The following PCDH15 variants were observed in gnomAD, a reference collection of about 807,000 sequenced individuals.
PCDH15 encodes the protein protocadherin related 15, also known as protocadherin-15.
PCDH15 carries 129 observed loss-of-function variants against 178.5 expected under a neutral mutation model. That is an observed-to-expected ratio of 0.72 (90% CI 0.63 to 0.84). The LOEUF (loss-of-function observed/expected upper bound fraction) is 0.84. Ranked by LOEUF, PCDH15 falls within the 40% of genes least tolerant of loss-of-function variation. The probability of loss-of-function intolerance (pLI) is 0.00; values close to 1 mark genes in which losing one functional copy is unlikely to be tolerated. For missense variants in PCDH15, 2,230 were observed against 2,099.9 expected (o/e 1.06, Z -1.21); for synonymous variants, 800 against 732.0 (o/e 1.09, Z -1.50).
chr10:55,591,854 C>T (rs941840245), intron 2 of PCDH15, among the ~76,000 whole-genome samples: 7 of 151,810 alleles, frequency 4.6e-5, no homozygotes, highest in South Asian at 2.1e-4. Context: ...TTTGAAGAGT[C>T]GTAAATTATT....
intron 2 of PCDH15, among the ~76,000 whole-genome samples, chr10:54,978,891 A>T (rs569499095): frequency 1.3e-3 from 194 of 152,240 alleles, no homozygotes; most frequent in Non-Finnish European, 2.1e-3. Context: ...AATTTTGCTC[A>T]TATTTCTCTT....
At chr10:54,169,413 G>A (rs973118727) in intron 13 of PCDH15, among the ~76,000 whole-genome samples, 3 of 136,596 alleles carry the variant, frequency 2.2e-5, no homozygotes, top group Non-Finnish European at 3.2e-5. Flanking sequence ...TGACGGCCAG[G>A]CTTCTAAACC....
In PCDH15 at chr10:53,898,046, A is replaced by G. The variant is rs573358925; in HGVS notation, c.3501+5197T>C. ...CAGTGGCGTGATTTCGGCTCACTGC[A>G]AGCTCCGCCTCCTGGGTTCATGCCA... On this transcript the variant is annotated intron_variant, in intron 26 of 37. Coordinates refer to ENST00000644397, the MANE Select transcript of PCDH15 (RefSeq NM_001384140.1). 1.8e-4 allele frequency among the ~76,000 whole-genome samples: 24 copies of G among 136,266 alleles called. No individual in the cohort carries two copies. The East Asian group carries it at 5.0e-3, about 28-fold the overall frequency. The allele number at this position is 136,266 out of a possible 152,430, so 89.4% of individuals were successfully genotyped here.
chr10:54,218,841 C>T (rs965835031), intron 9 of PCDH15, among the ~76,000 whole-genome samples: 1 of 151,924 alleles, frequency 6.6e-6, no homozygotes, highest in Non-Finnish European at 1.5e-5. Flanking sequence ...TAAAATTAAA[C>T]CAAGGAAAGT....
In PCDH15 at chr10:55,490,354, G is replaced by T. The variant is rs186333835; in HGVS notation, c.-156+137271C>A. ...CAAAGAGCTTCAGACACACAGCCATGAGTCTATGGTTGAGTAACAATCTGC... is the reference window on the plus strand; with the variant it reads ...CAAAGAGCTTCAGACACACAGCCATTAGTCTATGGTTGAGTAACAATCTGC... On this transcript the variant is annotated intron_variant, in intron 2 of 5. Coordinates refer to the PCDH15 transcript ENST00000613346. Among the ~76,000 whole-genome samples, 784 of 151,858 alleles carry T rather than the reference G, an allele frequency of 5.2e-3. 3 individuals carry two copies. Among genetic ancestry groups the T allele is most frequent in the Non-Finnish European group, 9.2e-3 (622 of 67,824 alleles).
intron 3 of PCDH15, among the ~76,000 whole-genome samples, chr10:54,387,742 C>A (rs1362238709): frequency 6.6e-6 from 1 of 152,114 alleles, no homozygotes; most frequent in East Asian, 1.9e-4. Flanking sequence ...TATATAAACC[C>A]CTAGTTTTAG....
rs113558294 is a variant in PCDH15 at position 54,435,328 on chromosome 10, T to C, written c.158-56386A>G. On this transcript the variant is annotated intron_variant, in intron 3 of 37. Coordinates refer to ENST00000644397, the MANE Select transcript of PCDH15 (RefSeq NM_001384140.1). Reference sequence around the variant, plus strand: ...TCTTTTTCTTTTACCTAGGTTGAATTCATTGTTTAGATCTCAACTGAAATA... The same window carrying C: ...TCTTTTTCTTTTACCTAGGTTGAATCCATTGTTTAGATCTCAACTGAAATA... Among the ~76,000 whole-genome samples, 1,226 of 152,318 alleles carry C rather than the reference T, an allele frequency of 8.0e-3. 17 individuals carry two copies. The highest frequency in any genetic ancestry group is 0.028 in the African/African-American group (1,157 of 41,570).
At chr10:55,392,483 C>T (rs997276085) in intron 2 of PCDH15, among the ~76,000 whole-genome samples, 2 of 152,120 alleles carry the variant, frequency 1.3e-5, no homozygotes, top group Admixed American at 6.6e-5. Flanking sequence ...TTTGTTCCAG[C>T]ATCCAATCCA....
chr10:54,155,172 G>A (rs745346925), intron 13 of PCDH15, among the ~76,000 whole-genome samples: 24 of 152,184 alleles, frequency 1.6e-4, no homozygotes, highest in Admixed American at 2.0e-4. Context: ...AAGGTGTTAA[G>A]GAGTGTGCTT....
At chr10:55,149,850 T>C (rs1326800287) in intron 2 of PCDH15, among the ~76,000 whole-genome samples, 1 of 152,108 alleles carries the variant, frequency 6.6e-6, no homozygotes, top group African/African-American at 2.4e-5. Flanking sequence ...ATGTTCTTAA[T>C]GTTCTCAATC....
chr10:54,110,606 A>G (rs913164920), intron 15 of PCDH15, among the ~76,000 whole-genome samples: 1 of 152,042 alleles, frequency 6.6e-6, no homozygotes, highest in African/African-American at 2.4e-5. Flanking sequence ...CGAATGAACT[A>G]CCTTTATTTT....
At position 55,415,926 on chromosome 10, in the gene PCDH15, AT is replaced by A. The variant is rs1000743848; in HGVS notation, c.-156+211698del. ...CTTAGCAATATCTATAAAGAGCCATATTTTTTTTTCTCAAATTTGCTTTTGT... is the reference window on the plus strand; with the variant it reads ...CTTAGCAATATCTATAAAGAGCCATATTTTTTTTCTCAAATTTGCTTTTGT... On this transcript the variant is annotated intron_variant, in intron 2 of 5. Transcript: ENST00000613346. Among the ~76,000 whole-genome samples the A allele has an allele frequency of 8.6e-5, 13 of 150,950 alleles. No homozygotes were observed. In the East Asian group the frequency reaches 1.4e-3, roughly 16 times the overall value.
At chr10:55,472,206 C>A (rs557397942) in intron 2 of PCDH15, among the ~76,000 whole-genome samples, 20 of 152,196 alleles carry the variant, frequency 1.3e-4, no homozygotes, top group African/African-American at 4.8e-4. Flanking sequence ...TTAATCTCTG[C>A]TTTTAAAGGA....
chr10:55,460,741 T>C (rs1202075654), intron 2 of PCDH15, among the ~76,000 whole-genome samples: 1 of 152,148 alleles, frequency 6.6e-6, no homozygotes, highest in East Asian at 1.9e-4. Flanking sequence ...GGGTCATATG[T>C]TCCTGCCTCT....
chr10:55,546,422 T>G (rs1469942028), intron 2 of PCDH15, among the ~76,000 whole-genome samples: 1 of 152,264 alleles, frequency 6.6e-6, no homozygotes, highest in African/African-American at 2.4e-5. Flanking sequence ...TTTTAACGAG[T>G]ATATATAATA....
chr10:54,879,343 T>G (rs1429775266), intron 3 of PCDH15, among the ~76,000 whole-genome samples: 1 of 152,148 alleles, frequency 6.6e-6, no homozygotes, highest in Non-Finnish European at 1.5e-5. Flanking sequence ...ATTTTACTTG[T>G]AATATCTCAA....
At chr10:55,274,462 C>T (rs914749704) in intron 1 of PCDH15, among the ~76,000 whole-genome samples, 2 of 152,018 alleles carry the variant, frequency 1.3e-5, no homozygotes, top group African/African-American at 4.8e-5. Context: ...TGGGAACTAA[C>T]CTTAAGAGAA....
At chr10:54,614,089 T>C (rs2093052955) in intron 2 of PCDH15, among the ~76,000 whole-genome samples, 1 of 151,972 alleles carries the variant, frequency 6.6e-6, no homozygotes, top group African/African-American at 2.4e-5. Flanking sequence ...CATAGCAACA[T>C]ACATGCATAT....
intron 3 of PCDH15, among the ~76,000 whole-genome samples, chr10:54,894,637 A>G (rs965949375): frequency 6.6e-6 from 1 of 152,198 alleles, no homozygotes; most frequent in Non-Finnish European, 1.5e-5. Flanking sequence ...TTATTTCTGT[A>G]TTAAAAATTC....
Sources: gnomAD v4.1 joint callset for allele counts (sites outside exome capture counted in the v4.1 genomes callset) on GRCh38, gnomAD v4.1.1 for gene constraint, MANE v1.5 for transcripts, NCBI Gene and HGNC (gene_info 2026-07-23, HGNC 2026-07-21) for gene names.